NOX4: variants seen among roughly 807,000 people sequenced by gnomAD.
The protein encoded by NOX4 is NADPH oxidase 4.
In NOX4, 69 loss-of-function variants were observed where a neutral mutation model predicts 87.6. The observed-to-expected ratio is 0.79, with a 90% confidence interval of 0.65 to 0.96. The LOEUF is 0.96. Among genes scored for constraint, NOX4 ranks in the 40% least tolerant of loss-of-function variants. NOX4 has a pLI of 0.00. For missense variants in NOX4, 680 were observed against 681.5 expected (o/e 1.00, Z 0.02); for synonymous variants, 275 against 238.2 (o/e 1.15, Z -1.42).
chr11:89,380,051 G>A (rs1269150348), intron 11 of NOX4, among the ~76,000 whole-genome samples: 1 of 152,144 alleles, frequency 6.6e-6, no homozygotes, highest in Non-Finnish European at 1.5e-5. Context: ...CTGGATATAT[G>A]AGCCTGAATT....
At chr11:89,503,400 A>G in the NOX4 span, among the ~76,000 whole-genome samples, 1 of 152,030 alleles carries the variant, frequency 6.6e-6, no homozygotes, top group Non-Finnish European at 1.5e-5. Flanking sequence ...CATGGGGAAC[A>G]TTGGAATAAT....
At chr11:89,455,705 C>T (rs1169346499) in intron 2 of NOX4, among the ~76,000 whole-genome samples, 1 of 132,232 alleles carries the variant, frequency 7.6e-6, no homozygotes, top group Non-Finnish European at 1.6e-5. Flanking sequence ...CCACTGTTAT[C>T]AAGAAGATGA....
chr11:89,533,048 C>A, the NOX4 span, among the ~76,000 whole-genome samples: 1 of 152,048 alleles, frequency 6.6e-6, no homozygotes, highest in Non-Finnish European at 1.5e-5. Context: ...TTCTTCATAG[C>A]AATGTGAAAA....
At chr11:89,439,776 C>T (rs1378672194) in intron 6 of NOX4, among the ~76,000 whole-genome samples, 1 of 152,054 alleles carries the variant, frequency 6.6e-6, no homozygotes, top group Non-Finnish European at 1.5e-5. Flanking sequence ...TTGAGATGTT[C>T]AAACGTGCTT....
At chr11:89,374,745 T>G (rs1939713989) in intron 11 of NOX4, among the ~76,000 whole-genome samples, 1 of 152,130 alleles carries the variant, frequency 6.6e-6, no homozygotes, top group African/African-American at 2.4e-5. Context: ...AAGGCATGTG[T>G]TGATCATTAG....
At chr11:89,564,017 T>C in the NOX4 span, among the ~76,000 whole-genome samples, 3 of 152,212 alleles carry the variant, frequency 2.0e-5, no homozygotes, top group Non-Finnish European at 4.4e-5. Flanking sequence ...TAGCCTTGCC[T>C]TTGACATGGC....
At chr11:89,432,565 A>C (rs1234877890) in intron 7 of NOX4, among the ~76,000 whole-genome samples, 1 of 152,128 alleles carries the variant, frequency 6.6e-6, no homozygotes, top group African/African-American at 2.4e-5. Context: ...CATCAAATGC[A>C]GTCTCCATAC....
the NOX4 span, among the ~76,000 whole-genome samples, chr11:89,517,659 T>C: frequency 1.3e-5 from 2 of 151,758 alleles, no homozygotes; most frequent in African/African-American, 2.4e-5. Context: ...TTTAAAAACA[T>C]TTTTGTAGAA....
chr11:89,451,992 A>G, intron 2 of NOX4, 97 bp from the exon 3 acceptor site: 1 of 752,812 alleles, frequency 1.3e-6, no homozygotes, highest in South Asian at 1.6e-5. Context: ...TGCTCTTTTA[A>G]GAATCATGCC....
chr11:89,510,878 C>G, the NOX4 span, among the ~76,000 whole-genome samples: 332 of 152,104 alleles, frequency 2.2e-3, no homozygotes, highest in Middle Eastern at 6.8e-3. Flanking sequence ...CTACATAAGA[C>G]TGCCTACCTC....
rs1326532221 is a variant in NOX4, at chr11:89,325,018, A to G, written c.*1738T>C. The G allele has an allele frequency of 6.6e-6, 1 of 151,856 alleles. No homozygotes were observed. Among genetic ancestry groups the G allele is most frequent in the East Asian group, 1.9e-4 (1 of 5,182 alleles). 9.4% of individuals were successfully genotyped at this position (151,856 alleles called of 1,614,324 possible). ...TTTATGTAACATTTTAACAATGGCAAGGTAAGTCACACTGCTGATTTCAGC... is the reference window on the plus strand; with the variant it reads ...TTTATGTAACATTTTAACAATGGCAGGGTAAGTCACACTGCTGATTTCAGC... On this transcript the variant is annotated 3_prime_UTR_variant, in exon 18 of 18. Transcript: ENST00000263317.
chr11:89,448,093 G>T (rs1026881547), intron 4 of NOX4, among the ~76,000 whole-genome samples: 2 of 152,120 alleles, frequency 1.3e-5, no homozygotes, highest in Non-Finnish European at 2.9e-5. Flanking sequence ...TATGCCACTG[G>T]AATAATTAAC....
the NOX4 span, among the ~76,000 whole-genome samples, chr11:89,550,711 G>A: frequency 6.6e-6 from 1 of 152,122 alleles, no homozygotes; most frequent in South Asian, 2.1e-4. Flanking sequence ...CAGATGGAGA[G>A]ATTGCAAAAT....
At chr11:89,377,653 T>G (rs1939954527) in intron 11 of NOX4, among the ~76,000 whole-genome samples, 1 of 152,150 alleles carries the variant, frequency 6.6e-6, no homozygotes, top group South Asian at 2.1e-4. Flanking sequence ...AAATATGAAT[T>G]TATTCAATAT....
chr11:89,530,563 A>G, the NOX4 span, among the ~76,000 whole-genome samples: 1 of 147,112 alleles, frequency 6.8e-6, no homozygotes, highest in East Asian at 2.0e-4. Flanking sequence ...TATGTTGGTC[A>G]GGCTGGTCTT....
chr11:89,563,117 C>T, the NOX4 span, among the ~76,000 whole-genome samples: 750 of 152,254 alleles, frequency 4.9e-3, 4 homozygotes, highest in African/African-American at 0.01. Flanking sequence ...TCAATTTAAC[C>T]TCTTTTGTTT....
At chr11:89,527,421 G>C in the NOX4 span, among the ~76,000 whole-genome samples, 1 of 152,148 alleles carries the variant, frequency 6.6e-6, no homozygotes, top group Non-Finnish European at 1.5e-5. Flanking sequence ...ATGCTAATCA[G>C]CAAGACAACA....
intron 12 of NOX4, among the ~76,000 whole-genome samples, chr11:89,355,415 C>T (rs1937966709): frequency 1.3e-5 from 2 of 148,732 alleles, no homozygotes; most frequent in South Asian, 4.2e-4. Context: ...ATATACATTT[C>T]TACATATAGA....
At chr11:89,582,252 A>G in the NOX4 span, among the ~76,000 whole-genome samples, 1 of 152,048 alleles carries the variant, frequency 6.6e-6, no homozygotes, top group Non-Finnish European at 1.5e-5. Flanking sequence ...AACACACACT[A>G]TATATTCCAT....
Sources: allele counts gnomAD v4.1 joint callset (sites outside exome capture counted in the v4.1 genomes callset), GRCh38; gene constraint gnomAD v4.1.1; transcripts MANE v1.5; gene names NCBI Gene and HGNC (gene_info 2026-07-23, HGNC 2026-07-21).